HPSE2: variants seen among roughly 807,000 people sequenced by gnomAD.
The protein encoded by HPSE2 is heparanase 2 (inactive), also known as inactive heparanase-2.
Under a neutral mutation model 60.5 loss-of-function variants are expected in HPSE2, and 38 were observed. The ratio of observed to expected loss-of-function variants is 0.63; its 90% confidence interval spans 0.48 to 0.82. The LOEUF (loss-of-function observed/expected upper bound fraction) is 0.82, where lower values mean the gene tolerates loss of function less well. Ranked by LOEUF, HPSE2 falls within the 40% of genes least tolerant of loss-of-function variation. The probability of loss-of-function intolerance (pLI) is 0.00; values close to 1 mark genes in which losing one functional copy is unlikely to be tolerated. For synonymous variants in HPSE2, 295 were observed against 293.2 expected (o/e 1.01, Z -0.06); for missense variants, 713 against 740.4 (o/e 0.96, Z 0.43).
At chr10:98,821,223 A>G (rs1217536570) in intron 3 of HPSE2, among the ~76,000 whole-genome samples, 1 of 152,176 alleles carries the variant, frequency 6.6e-6, no homozygotes, top group Non-Finnish European at 1.5e-5. Flanking sequence ...CATTCTGAGA[A>G]GTGCATTGTT....
At chr10:99,128,596 C>A (rs1845255716) in intron 3 of HPSE2, among the ~76,000 whole-genome samples, 1 of 152,088 alleles carries the variant, frequency 6.6e-6, no homozygotes, top group Non-Finnish European at 1.5e-5. Context: ...AAACCAAACA[C>A]CATATGTTCT....
chr10:98,923,267 C>T (rs1350550801), intron 3 of HPSE2, among the ~76,000 whole-genome samples: 1 of 152,160 alleles, frequency 6.6e-6, no homozygotes, highest in Admixed American at 6.5e-5. Flanking sequence ...TGCTGCCAGA[C>T]CTATTGGAGC....
intron 9 of HPSE2, among the ~76,000 whole-genome samples, chr10:98,591,188 T>C (rs1945080493): frequency 6.6e-6 from 1 of 152,176 alleles, no homozygotes. Flanking sequence ...ATTTCTGTGC[T>C]CCAATTTATT....
chr10:98,934,789 G>C (rs1400302651), intron 3 of HPSE2, among the ~76,000 whole-genome samples: 1 of 143,210 alleles, frequency 7.0e-6, no homozygotes, highest in African/African-American at 2.9e-5. Flanking sequence ...ATCTTATTGG[G>C]GTTCTTTGGA....
chr10:99,198,402 T>C (rs1848471100), intron 2 of HPSE2, among the ~76,000 whole-genome samples: 1 of 152,212 alleles, frequency 6.6e-6, no homozygotes, highest in Non-Finnish European at 1.5e-5. Flanking sequence ...TCATAATCAA[T>C]ACATCTTTGC....
At position 98,959,694 on chromosome 10, in the gene HPSE2, G is replaced by A. The variant is rs116758490; in HGVS notation, c.610+184544C>T. Among the ~76,000 whole-genome samples, 894 of 152,160 alleles carry A rather than the reference G, an allele frequency of 5.9e-3. 9 individuals are homozygous for A. Among genetic ancestry groups the A allele is most frequent in the African/African-American group, 0.02 (838 of 41,510 alleles). ...AAAGGCATCCATTATTCACATCTGC[G>A]GAGGCATTTATAGTTTAAAGCAGAC... On this transcript the variant is annotated intron_variant, in intron 3 of 11. Coordinates refer to ENST00000370552, the MANE Select transcript of HPSE2 (RefSeq NM_021828.5).
At chr10:98,535,688 C>T (rs1397737634) in intron 9 of HPSE2, among the ~76,000 whole-genome samples, 1 of 152,084 alleles carries the variant, frequency 6.6e-6, no homozygotes, top group Non-Finnish European at 1.5e-5. Context: ...CTACTCTAGC[C>T]CAGGAGAGAG....
At chr10:98,781,043 T>C (rs905771572) in intron 3 of HPSE2, among the ~76,000 whole-genome samples, 1 of 152,072 alleles carries the variant, frequency 6.6e-6, no homozygotes, top group African/African-American at 2.4e-5. Flanking sequence ...ACAATGTCTC[T>C]GTGGCGGCAT....
chr10:99,279,144 CA>C, the HPSE2 span, among the ~76,000 whole-genome samples: 1 of 152,132 alleles, frequency 6.6e-6, no homozygotes, highest in South Asian at 2.1e-4. Flanking sequence ...AACAGGGTTG[CA>C]ATTGTTGTTC....
At chr10:98,969,513 CT>C (rs1955897130) in intron 3 of HPSE2, among the ~76,000 whole-genome samples, 1 of 152,164 alleles carries the variant, frequency 6.6e-6, no homozygotes, top group South Asian at 2.1e-4. Context: ...CAAGTCTATA[CT>C]TTAACTCTCT....
chr10:99,021,112 C>G (rs11189938), intron 3 of HPSE2, among the ~76,000 whole-genome samples: 15,512 of 152,136 alleles, frequency 0.1, 855 homozygotes, highest in South Asian at 0.19. Context: ...GTTTACACAC[C>G]TGTCTCCATA....
At chr10:99,155,842 T>C (rs1257943316) in intron 2 of HPSE2, among the ~76,000 whole-genome samples, 3 of 150,938 alleles carry the variant, frequency 2.0e-5, no homozygotes, top group South Asian at 4.2e-4. Context: ...ATCAACAAAA[T>C]TGATAGACCA....
chr10:98,600,893 G>GTA (rs374470816), intron 9 of HPSE2, among the ~76,000 whole-genome samples: 6 of 38,224 alleles, frequency 1.6e-4, no homozygotes, highest in South Asian at 9.5e-4. Flanking sequence ...ACATATATAC[G>GTA]TATATATATG....
intron 3 of HPSE2, among the ~76,000 whole-genome samples, chr10:98,846,487 C>T (rs1340868715): frequency 6.6e-6 from 1 of 152,140 alleles, no homozygotes; most frequent in African/African-American, 2.4e-5. Flanking sequence ...CTCCTCTGCA[C>T]CCATTTTTCT....
At chr10:99,084,206 C>T (rs1424746330) in intron 3 of HPSE2, among the ~76,000 whole-genome samples, 5 of 152,136 alleles carry the variant, frequency 3.3e-5, no homozygotes. Context: ...TAACGCAGAA[C>T]GTCAACAGAA....
chr10:99,154,929 CA>C (rs1047165731), intron 2 of HPSE2, among the ~76,000 whole-genome samples: 53 of 151,122 alleles, frequency 3.5e-4, no homozygotes, highest in African/African-American at 1.2e-3. Flanking sequence ...AAATGGAAAA[CA>C]AAAAAAGGCA....
chr10:98,675,539 T>TAC (rs774393556), intron 6 of HPSE2, among the ~76,000 whole-genome samples: 13,710 of 121,432 alleles, frequency 0.11, 856 homozygotes, highest in African/African-American at 0.18. Flanking sequence ...GATCCCTGTC[T>TAC]ACACACACAC....
chr10:99,306,716 T>A, the HPSE2 span, among the ~76,000 whole-genome samples: 1 of 152,092 alleles, frequency 6.6e-6, no homozygotes, highest in Non-Finnish European at 1.5e-5. Flanking sequence ...GTTTGTTTGT[T>A]TTTTGTTTTT....
chr10:98,686,753 T>G (rs1049029776), intron 6 of HPSE2, among the ~76,000 whole-genome samples: 4 of 152,220 alleles, frequency 2.6e-5, no homozygotes, highest in Non-Finnish European at 5.9e-5. Flanking sequence ...TTTTTGTTAC[T>G]AATACCTAAC....
Sources: gnomAD v4.1 joint callset for allele counts (sites outside exome capture counted in the v4.1 genomes callset) on GRCh38, gnomAD v4.1.1 for gene constraint, MANE v1.5 for transcripts, NCBI Gene and HGNC (gene_info 2026-07-23, HGNC 2026-07-21) for gene names.